The following CACNA1D variants were observed in gnomAD, a reference collection of about 807,000 sequenced individuals.
The protein encoded by CACNA1D is calcium voltage-gated channel subunit alpha1 D, also known as voltage-dependent L-type calcium channel subunit alpha-1D.
In CACNA1D, 55 loss-of-function variants were observed where a neutral mutation model predicts 257.1. The ratio of observed to expected loss-of-function variants is 0.21; its 90% CI spans 0.17 to 0.27. The LOEUF (loss-of-function observed/expected upper bound fraction) is 0.27, where lower values mean the gene tolerates loss of function less well. Among genes scored for constraint, CACNA1D ranks in the 10% least tolerant of loss-of-function variants. CACNA1D has a pLI of 1.00. For synonymous variants in CACNA1D, 980 were observed against 1,014.9 expected (o/e 0.97, Z 0.65); for missense variants, 1,876 against 2,784.0 (o/e 0.67, Z 7.34).
At chr3:53,741,240 A>G (rs1437724068) in intron 21 of CACNA1D, among the ~76,000 whole-genome samples, 3 of 152,230 alleles carry the variant, frequency 2.0e-5, no homozygotes, top group Admixed American at 6.5e-5. Flanking sequence ...AACGTGGCCC[A>G]TCAGAACTGT....
intron 9 of CACNA1D, among the ~76,000 whole-genome samples, chr3:53,704,796 G>A (rs1240324223): frequency 2.0e-5 from 3 of 152,240 alleles, no homozygotes; most frequent in Non-Finnish European, 4.4e-5. Flanking sequence ...TTCTTTGCTA[G>A]TTTAGCTGTG....
At chr3:53,705,178 A>G (rs528490874) in intron 9 of CACNA1D, among the ~76,000 whole-genome samples, 76 of 152,100 alleles carry the variant, frequency 5.0e-4, no homozygotes, top group African/African-American at 1.8e-3. Flanking sequence ...TGAGCCCAGG[A>G]GGGCGCGATG....
At chr3:53,748,039 C>G (rs2095188267) in intron 26 of CACNA1D, among the ~76,000 whole-genome samples, 1 of 152,192 alleles carries the variant, frequency 6.6e-6, no homozygotes. Flanking sequence ...TTCCTCTCCT[C>G]AAGCCCAAAT....
intron 3 of CACNA1D, among the ~76,000 whole-genome samples, chr3:53,602,545 G>C (rs895214180): frequency 2.0e-5 from 3 of 152,186 alleles, no homozygotes; most frequent in Admixed American, 1.3e-4. Context: ...GTTTTCCATA[G>C]TGCTGTATTA....
chr3:53,765,306 A>T (rs1459525327), intron 30 of CACNA1D: 1 of 152,670 alleles, frequency 6.6e-6, no homozygotes, highest in East Asian at 1.9e-4. Context: ...GCTGGGTGTG[A>T]ACACCTTTGG....
intron 5 of CACNA1D, among the ~76,000 whole-genome samples, chr3:53,662,278 T>A (rs1004846990): frequency 6.6e-6 from 1 of 152,024 alleles, no homozygotes; most frequent in East Asian, 1.9e-4. Flanking sequence ...ATTTGTGGAG[T>A]TCTTAAGCAC....
chr3:53,775,645 CAGTT>C lies in CACNA1D; in HGVS notation c.4203-238_4203-235del, dbSNP rs140810022. ...AAACAAGCATCCATTTATATGCAGA[CAGTT>C]AGCGCGCTTGCATCAGATGATGGCT... On this transcript the variant is annotated intron_variant, in intron 34 of 47. Coordinates refer to ENST00000350061, the MANE Select transcript of CACNA1D (RefSeq NM_001128840.3). 0.035 allele frequency among the ~76,000 whole-genome samples: 5,365 copies of C among 152,182 alleles called. 150 individuals are homozygous for C. The highest frequency in any genetic ancestry group is 0.095 in the Middle Eastern group (28 of 294).
intron 3 of CACNA1D, among the ~76,000 whole-genome samples, chr3:53,539,156 C>T (rs1443753331): frequency 6.6e-6 from 1 of 152,100 alleles, no homozygotes; most frequent in Non-Finnish European, 1.5e-5. Flanking sequence ...GTCGCCCAGG[C>T]TGGAGTGCAG....
chr3:53,570,479 A>G (rs2092923662), intron 3 of CACNA1D, among the ~76,000 whole-genome samples: 2 of 152,242 alleles, frequency 1.3e-5, no homozygotes, highest in South Asian at 4.1e-4. Context: ...GCTACTAAAT[A>G]CAAATTCAAC....
At chr3:53,663,689 G>A (rs1026840004) in intron 5 of CACNA1D, among the ~76,000 whole-genome samples, 2 of 152,034 alleles carry the variant, frequency 1.3e-5, no homozygotes, top group African/African-American at 2.4e-5. Flanking sequence ...GAAAGTAATG[G>A]GTCTGAGTCT....
At position 53,651,370 on chromosome 3, in the gene CACNA1D, T is replaced by C. The variant is rs940382736; in HGVS notation, c.623+452T>C. Among the ~76,000 whole-genome samples, 39 of 127,848 alleles carry C rather than the reference T, an allele frequency of 3.1e-4. 1 individual carries two copies. Among genetic ancestry groups the C allele is most frequent in the Admixed American group, 1.7e-3 (23 of 13,698 alleles). 83.9% of individuals were successfully genotyped at this position (127,848 alleles called of 152,430 possible). A position where few individuals can be genotyped will look rare whatever the true frequency, so the allele number is the denominator to read the frequency against. On this transcript the variant is annotated intron_variant, in intron 4 of 47. Coordinates refer to ENST00000350061, the MANE Select transcript of CACNA1D (RefSeq NM_001128840.3). ...TTGAGCAAAGCTATTAATTTTCTTTTTTTTTTTTTTTTTTTTTTGCTGACT... is the reference window on the plus strand; with the variant it reads ...TTGAGCAAAGCTATTAATTTTCTTTCTTTTTTTTTTTTTTTTTTGCTGACT...
chr3:53,512,645 C>T (rs1390650244), intron 3 of CACNA1D, among the ~76,000 whole-genome samples: 2 of 152,170 alleles, frequency 1.3e-5, no homozygotes, highest in East Asian at 3.8e-4. Flanking sequence ...TCTTCCTACC[C>T]ACCTCAGTTA....
intron 3 of CACNA1D, among the ~76,000 whole-genome samples, chr3:53,575,155 C>T (rs1195381590): frequency 1.2e-4 from 18 of 152,154 alleles, no homozygotes; most frequent in Non-Finnish European, 2.5e-4. Context: ...ACAGTGCTGG[C>T]GGCAGAGGTG....
At chr3:53,616,559 C>T (rs2093639167) in intron 3 of CACNA1D, among the ~76,000 whole-genome samples, 1 of 152,202 alleles carries the variant, frequency 6.6e-6, no homozygotes, top group African/African-American at 2.4e-5. Flanking sequence ...CCGTCTTCTT[C>T]CTACCCACCC....
intron 32 of CACNA1D, among the ~76,000 whole-genome samples, chr3:53,772,047 C>G (rs1397428539): frequency 6.6e-6 from 1 of 152,252 alleles, no homozygotes; most frequent in African/African-American, 2.4e-5. Context: ...AAGCCTAACA[C>G]TCTGGGCACC....
At chr3:53,627,863 A>T (rs2093777668) in intron 3 of CACNA1D, among the ~76,000 whole-genome samples, 1 of 151,918 alleles carries the variant, frequency 6.6e-6, no homozygotes, top group Non-Finnish European at 1.5e-5. Context: ...AAATACAAAA[A>T]TTAGCCCAGT....
intron 3 of CACNA1D, among the ~76,000 whole-genome samples, chr3:53,566,756 TGCGGCA>T (rs899863644): frequency 8.5e-5 from 13 of 152,204 alleles, no homozygotes; most frequent in African/African-American, 3.1e-4. Context: ...CGAGAGCTCC[TGCGGCA>T]GCTTGCTTGC....
chr3:53,613,754 C>G (rs1043308289), intron 3 of CACNA1D, among the ~76,000 whole-genome samples: 54 of 151,926 alleles, frequency 3.6e-4, no homozygotes, highest in Non-Finnish European at 1.3e-4. Context: ...TGAGAACTGT[C>G]ACTTTCTGAC....
At chr3:53,684,641 A>AC in intron 8 of CACNA1D, among the ~76,000 whole-genome samples, 1 of 151,272 alleles carries the variant, frequency 6.6e-6, no homozygotes, top group Admixed American at 6.6e-5. Flanking sequence ...AAAAAAAAAA[A>AC]AAAGCATCAA....
Sources: gnomAD v4.1 joint callset for allele counts (sites outside exome capture counted in the v4.1 genomes callset) on GRCh38, gnomAD v4.1.1 for gene constraint, MANE v1.5 for transcripts, NCBI Gene and HGNC (gene_info 2026-07-23, HGNC 2026-07-21) for gene names.